Variants in TTLL6 observed in about 807,000 individuals in gnomAD.
TTLL6 encodes the protein tubulin polyglutamylase TTLL6.
In TTLL6, 75 loss-of-function variants were observed where a neutral mutation model predicts 96.4. The observed-to-expected ratio is 0.78, with a 90% CI of 0.65 to 0.94. TTLL6 has a LOEUF of 0.94. Ranked by LOEUF, TTLL6 falls within the 40% of genes least tolerant of loss-of-function variation. The probability of loss-of-function intolerance (pLI) is 0.00; values close to 1 mark genes in which losing one functional copy is unlikely to be tolerated. For synonymous variants in TTLL6, 411 were observed against 419.4 expected, an observed-to-expected ratio of 0.98 and a Z score of 0.24; for missense variants, 1,030 against 1,093.0, an observed-to-expected ratio of 0.94 and a Z score of 0.81.
chr17:48,796,185 A>G (rs1289398680), intron 7 of TTLL6, 39 bp from the exon 8 acceptor site: 3 of 1,496,172 alleles, frequency 2.0e-6, no homozygotes, highest in East Asian at 2.5e-5. Flanking sequence ...TCAGCTCGGA[A>G]GGGCAGGCCC....
intron 1 of TTLL6, among the ~76,000 whole-genome samples, chr17:48,811,385 T>C (rs1037918046): frequency 6.6e-6 from 1 of 152,054 alleles, no homozygotes; most frequent in Non-Finnish European, 1.5e-5. Flanking sequence ...CCTATTTTTC[T>C]TATAGTAGCA....
chr17:48,769,058 T>G lies in TTLL6; in HGVS notation c.2607A>C (p.Pro869=). 6.2e-7 allele frequency: 1 copy of G among 1,614,218 alleles called. No homozygotes were observed. Among genetic ancestry groups the G allele is most frequent in the Non-Finnish European group, 8.5e-7 (1 of 1,180,030 alleles). The change falls in exon 15 of 16, where the codon CCA becomes CCC. Residue 869 remains proline (P), a synonymous_variant. Transcript: ENST00000393382. ...CRSHASAMRD[P]CMQDQEAYSH... ...TGTATGCTTCTTGATCCTGCATACA[T>G]GGGTCCCTCATAGCACTTGCGTGGC... is the stretch of plus-strand genomic sequence containing the variant.
intron 4 of TTLL6, 39 bp downstream of exon 4, chr17:48,801,486 T>TG: frequency 6.4e-7 from 1 of 1,551,332 alleles, no homozygotes; most frequent in Non-Finnish European, 8.7e-7. Flanking sequence ...CCGGGTAAGA[T>TG]GGCACACTTA....
chr17:48,802,912 G>A (rs1478919504), intron 3 of TTLL6, among the ~76,000 whole-genome samples: 1 of 151,764 alleles, frequency 6.6e-6, no homozygotes, highest in Non-Finnish European at 1.5e-5. Context: ...GCTCATGCCT[G>A]TAATCCCAAC....
At chr17:48,784,548 G>C (rs904497206) in intron 13 of TTLL6, among the ~76,000 whole-genome samples, 1 of 152,152 alleles carries the variant, frequency 6.6e-6, no homozygotes. Context: ...AAGAAGCAAG[G>C]AAGGATCCTC....
chr17:48,775,873 A>G (rs1382346194), intron 13 of TTLL6, among the ~76,000 whole-genome samples: 2 of 152,070 alleles, frequency 1.3e-5, no homozygotes, highest in Non-Finnish European at 2.9e-5. Flanking sequence ...AACTCTCAGC[A>G]AACTAGGAAT....
In TTLL6 at chr17:48,769,976, A is replaced by G. The variant is rs1597958544; in HGVS notation, c.2162T>C (p.Val721Ala). 6.2e-7 allele frequency: 1 copy of G among 1,613,898 alleles called. No individual in the cohort carries two copies. Among genetic ancestry groups the G allele is most frequent in the Non-Finnish European group, 8.5e-7 (1 of 1,179,980 alleles). Residue 721 changes from valine (V) to alanine (A), a missense_variant, in exon 14 of 16, where the codon GTG becomes GCG. Transcript: ENST00000393382. ...SEYSGPETDR[V>A]VSFKCKKQQT... ...CTGCTTCTTGCATTTAAAGGATACC[A>G]CCCTGTCCGTCTCTGGGCCACTGTA...
chr17:48,802,114 GAAA>G (rs1156596307), intron 3 of TTLL6, among the ~76,000 whole-genome samples: 3 of 126,186 alleles, frequency 2.4e-5, no homozygotes, highest in African/African-American at 7.8e-5. Context: ...AAGAAAGAAA[GAAA>G]GAAAGAAAGA....
chr17:48,801,255 T>G lies in TTLL6; in HGVS notation c.611A>C (p.Asp204Ala). The change falls in exon 5 of 16, where the codon GAC becomes GCC. Residue 204 changes from aspartate to alanine, a missense_variant and splice_region_variant. Transcript: ENST00000393382. ...FFPRTWCLPA[D>A]WGDLQTYSRS... ...GAAGTACAGGGCGGGGGGCACTCAC[T>G]CAGCAGGAAGACACCAGGTCCTAGG... The G allele has an allele frequency of 6.4e-7, 1 of 1,551,310 alleles. No individual in the cohort carries two copies. The highest frequency in any genetic ancestry group is 8.7e-7 in the Non-Finnish European group (1 of 1,146,746).
intron 13 of TTLL6, among the ~76,000 whole-genome samples, chr17:48,770,991 CTG>C (rs1411977567): frequency 6.6e-6 from 1 of 152,128 alleles, no homozygotes; most frequent in African/African-American, 2.4e-5. Context: ...AAAAAAGAAA[CTG>C]CACTTGATGA....
Position 48,797,140 on chromosome 17 carries a change from G to A in TTLL6, c.833C>T (p.Pro278Leu). The change falls in exon 7 of 16, where the codon CCT (proline) becomes CTT (leucine). Residue 278 changes from proline to leucine, a missense_variant. By Grantham distance (98) the Pro-to-Leu change is moderately conservative (BLOSUM62 -3). Coordinates refer to ENST00000393382, the MANE Select transcript of TTLL6 (RefSeq NM_001130918.3). The part of the protein sequence containing the change: ...RIYVLVTSCD[P>L]LRIFVYNEGL... ...TTCATTGTACACAAAAATCCTGAGA[G>A]GGTCACAGGATGTCACCAGTACATA... 1 of 1,551,544 alleles carries A rather than the reference G, an allele frequency of 6.4e-7. No homozygotes were observed. The highest frequency in any genetic ancestry group is 8.7e-7 in the Non-Finnish European group (1 of 1,146,908).
At chr17:48,768,100 C>T (rs1231028977) in intron 15 of TTLL6, among the ~76,000 whole-genome samples, 1 of 151,872 alleles carries the variant, frequency 6.6e-6, no homozygotes, top group Non-Finnish European at 1.5e-5. Flanking sequence ...GCAAGGGGGT[C>T]ACTTTTTTTT....
chr17:48,804,995 G>A lies in TTLL6; in HGVS notation c.104-4C>T. 6.5e-7 allele frequency: 1 copy of A among 1,550,320 alleles called. No homozygotes were observed. Among genetic ancestry groups the A allele is most frequent in the South Asian group, 1.2e-5 (1 of 84,026 alleles). ...GCTCTGGGGAAATACCAGGCCCCTA[G>A]AGAGAGGGCAGAGGGAGCCGCAGTT... On this transcript the variant is annotated splice_region_variant and splice_polypyrimidine_tract_variant and intron_variant, in intron 1 of 15. Transcript: ENST00000393382.
intron 15 of TTLL6, among the ~76,000 whole-genome samples, chr17:48,764,073 C>T (rs1016728310): frequency 2.0e-5 from 3 of 151,158 alleles, no homozygotes; most frequent in Admixed American, 2.0e-4. Flanking sequence ...GAAGTTGAGG[C>T]TGCAGTGAGC....
intron 1 of TTLL6, among the ~76,000 whole-genome samples, chr17:48,813,892 G>T (rs1235184078): frequency 1.3e-5 from 2 of 152,138 alleles, no homozygotes; most frequent in Admixed American, 1.3e-4. Flanking sequence ...TGCTAGGGGA[G>T]GGGACTTGTA....
At chr17:48,785,312 G>T in intron 12 of TTLL6, 111 bp from the exon 13 acceptor site, 1 of 1,496,304 alleles carries the variant, frequency 6.7e-7, no homozygotes, top group Non-Finnish European at 9.0e-7. Flanking sequence ...AAGGAAAGCA[G>T]TCGATAGTAA....
Position 48,801,602 on chromosome 17 carries a change from C to T in TTLL6, c.403G>A (p.Glu135Lys), listed in dbSNP as rs2143442896. Residue 135 changes from glutamate (E) to lysine (K), a missense_variant, in exon 4 of 16, where the codon GAA (glutamate) becomes AAA (lysine). Transcript: ENST00000393382. ...AQQYGFREGG[E>K]DDDWTLYWTD... Reference sequence around the variant, plus strand: ...CAATAGAGAGTCCAGTCATCGTCTTCCCCTCCCTCTCTAAAGCCGTACTGT... The same window carrying T: ...CAATAGAGAGTCCAGTCATCGTCTTTCCCTCCCTCTCTAAAGCCGTACTGT... 2.6e-6 allele frequency: 4 copies of T among 1,551,780 alleles called. No homozygotes were observed. Among genetic ancestry groups the T allele is most frequent in the Non-Finnish European group, 3.5e-6 (4 of 1,147,008 alleles).
chr17:48,768,754 C>G (rs1337358267), intron 15 of TTLL6, among the ~76,000 whole-genome samples: 1 of 151,340 alleles, frequency 6.6e-6, no homozygotes, highest in African/African-American at 2.4e-5. Flanking sequence ...GTTGCCCAGG[C>G]TGGTCTCAAA....
chr17:48,785,078 CAG>C lies in TTLL6; in HGVS notation c.1883_1884del (p.Ser628CysfsTer31), dbSNP rs772371918. 8 of 1,614,136 alleles carry C rather than the reference CAG, an allele frequency of 5.0e-6. No homozygotes were observed. Among genetic ancestry groups the C allele is most frequent in the Non-Finnish European group, 5.9e-6 (7 of 1,180,004 alleles). ...TTCGCAGACGTCAGCTTGGGGAAAA[CAG>C]AGCTGGCCTCCTCCGTGGGAGCCTC... Reference protein sequence around the residue: ...NQEAPTEEASSVFPKLTSAKP... With the variant: ...NQEAPTEEASXVFPKLTSAKP... On this transcript the variant is annotated frameshift_variant, in exon 13 of 16. Transcript: ENST00000393382. LOFTEE classifies it high-confidence loss of function.
Sources: allele counts gnomAD v4.1 joint callset (sites outside exome capture counted in the v4.1 genomes callset), GRCh38; gene constraint gnomAD v4.1.1; transcripts MANE v1.5; gene names NCBI Gene and HGNC (gene_info 2026-07-23, HGNC 2026-07-21).